The following CAB39 variants were observed in gnomAD, a reference collection of about 807,000 sequenced individuals.
The protein encoded by CAB39 is calcium-binding protein 39.
A neutral mutation model predicts 40.0 loss-of-function variants in CAB39; 8 were observed. That is an observed-to-expected ratio of 0.20 (90% CI 0.12 to 0.36). The LOEUF (loss-of-function observed/expected upper bound fraction) is 0.36. CAB39 is among the 10% of genes least tolerant of loss of function. CAB39 has a pLI of 1.00. For synonymous variants in CAB39, 156 were observed against 141.6 expected (o/e 1.10, Z -0.72); for missense variants, 270 against 401.1 (o/e 0.67, Z 2.79).
chr2:230,752,599 C>G (rs985260396), intron 1 of CAB39, among the ~76,000 whole-genome samples: 2 of 152,170 alleles, frequency 1.3e-5, no homozygotes, highest in African/African-American at 4.8e-5. Flanking sequence ...CCATTAGTTT[C>G]CACTTCCCAA....
At chr2:230,757,513 T>G (rs1695213457) in intron 1 of CAB39, among the ~76,000 whole-genome samples, 1 of 152,146 alleles carries the variant, frequency 6.6e-6, no homozygotes. Flanking sequence ...CACAGAAGTA[T>G]TTTATATATG....
At chr2:230,727,410 CTTTTTCTTTTTTTTT>C (rs1441161506) in intron 1 of CAB39, among the ~76,000 whole-genome samples, 7 of 101,646 alleles carry the variant, frequency 6.9e-5, no homozygotes, top group African/African-American at 3.5e-4. Context: ...ATTTTTTTTT[CTTTTTCTTTTTTTTT>C]TTTTTTTGAG....
intron 1 of CAB39, among the ~76,000 whole-genome samples, chr2:230,728,144 A>G (rs989274409): frequency 7.9e-5 from 12 of 152,156 alleles, no homozygotes; most frequent in African/African-American, 2.9e-4. Flanking sequence ...CGGCTGAGAC[A>G]GGAGAATTGC....
intron 4 of CAB39, 34 bp from the exon 5 acceptor site, chr2:230,798,695 T>C: frequency 6.4e-7 from 1 of 1,553,666 alleles, no homozygotes; most frequent in Non-Finnish European, 8.7e-7. Context: ...AGCAATCATG[T>C]TTGGTTTGTT....
intron 1 of CAB39, chr2:230,725,429 C>G (rs1001692597): frequency 2.6e-6 from 4 of 1,565,482 alleles, no homozygotes; most frequent in Admixed American, 3.4e-5. Context: ...TCCGCAACTT[C>G]AGTTCCCGTA....
At chr2:230,729,182 G>A (rs980897653) in intron 1 of CAB39, among the ~76,000 whole-genome samples, 8 of 152,142 alleles carry the variant, frequency 5.3e-5, no homozygotes, top group East Asian at 1.9e-4. Flanking sequence ...ACCCTTGGGC[G>A]GTTTGCACCA....
At chr2:230,799,812 G>A (rs6436974) in intron 5 of CAB39, among the ~76,000 whole-genome samples, 21,784 of 152,022 alleles carry the variant, frequency 0.14, 2,281 homozygotes, top group African/African-American at 0.3. Context: ...CCAACATGGA[G>A]AAACCCCGTC....
chr2:230,811,940 G>A (rs1249802914), intron 6 of CAB39, among the ~76,000 whole-genome samples: 1 of 152,198 alleles, frequency 6.6e-6, no homozygotes, highest in Non-Finnish European at 1.5e-5. Context: ...CAGGATTTTA[G>A]AAGAACATAT....
chr2:230,721,480 C>T (rs868657607), intron 1 of CAB39, among the ~76,000 whole-genome samples: 2 of 152,270 alleles, frequency 1.3e-5, no homozygotes, highest in Middle Eastern at 3.4e-3. Flanking sequence ...AAATACTTAA[C>T]CAAAATACAA....
In CAB39 at chr2:230,730,194, C is replaced by T. The variant is rs182250310; in HGVS notation, c.-44+16964C>T. ...GCACGATCATGGTTCACTTCAGCCT[C>T]GACCTCCTAGGCTCAAGTGATCTTT... is the stretch of plus-strand genomic sequence containing the variant. On this transcript the variant is annotated intron_variant, in intron 1 of 8. Coordinates refer to ENST00000258418, the MANE Select transcript of CAB39 (RefSeq NM_016289.4). Among the ~76,000 whole-genome samples the T allele has an allele frequency of 1.1e-4, 17 of 152,226 alleles. No individual in the cohort carries two copies. The East Asian group carries it at 2.9e-3, about 26-fold the overall frequency.
chr2:230,743,024 TC>T (rs1288523502), intron 1 of CAB39, among the ~76,000 whole-genome samples: 6 of 152,220 alleles, frequency 3.9e-5, no homozygotes, highest in African/African-American at 1.4e-4. Context: ...GCACAGAACA[TC>T]GTGTGGTCTC....
chr2:230,736,121 A>G (rs944183607), intron 1 of CAB39, among the ~76,000 whole-genome samples: 1 of 152,176 alleles, frequency 6.6e-6, no homozygotes, highest in Non-Finnish European at 1.5e-5. Context: ...CACATTGTAC[A>G]TGTTGATGGC....
chr2:230,739,004 T>C (rs141276654), intron 1 of CAB39, among the ~76,000 whole-genome samples: 15 of 152,338 alleles, frequency 9.8e-5, no homozygotes, highest in Non-Finnish European at 1.5e-4. Flanking sequence ...AAAATAATTT[T>C]ATGGAAGGCC....
At chr2:230,747,606 TC>T (rs1197582900) in intron 1 of CAB39, among the ~76,000 whole-genome samples, 3 of 152,252 alleles carry the variant, frequency 2.0e-5, no homozygotes, top group Non-Finnish European at 4.4e-5. Flanking sequence ...TATGCATAAA[TC>T]TAACTTTTAA....
intron 1 of CAB39, among the ~76,000 whole-genome samples, chr2:230,715,223 A>G (rs1694327593): frequency 6.6e-6 from 1 of 152,216 alleles, no homozygotes; most frequent in South Asian, 2.1e-4. Context: ...TAAGCATGTT[A>G]TGTTTTCCTG....
At chr2:230,798,979 C>A in intron 5 of CAB39, 82 bp downstream of exon 5, 1 of 1,018,230 alleles carries the variant, frequency 9.8e-7, no homozygotes, top group Non-Finnish European at 1.4e-6. Flanking sequence ...CCTCCTAAAT[C>A]TACACGTGGC....
rs181543802 is a variant in CAB39 at position 230,729,922 on chromosome 2, A to G, written c.-44+16692A>G. Among the ~76,000 whole-genome samples, 717 of 152,212 alleles carry G rather than the reference A, an allele frequency of 4.7e-3. 5 individuals are homozygous for G. The highest frequency in any genetic ancestry group is 0.016 in the African/African-American group (674 of 41,534). On this transcript the variant is annotated intron_variant, in intron 1 of 8. Transcript: ENST00000258418. ...TGAGATTTTTACAAAGAAAACTATA[A>G]ATTTAAGTGAAAAAAGACTTAAGAA...
rs79125323 is a variant in CAB39, at chr2:230,789,691, G to T, written c.115-1181G>T. Among the ~76,000 whole-genome samples the T allele has an allele frequency of 1.1e-3, 160 of 152,256 alleles. 1 individual carries two copies. The highest frequency in any genetic ancestry group is 3.5e-3 in the African/African-American group (147 of 41,542). On this transcript the variant is annotated intron_variant, in intron 2 of 8. Coordinates refer to ENST00000258418, the MANE Select transcript of CAB39 (RefSeq NM_016289.4). ...TTGAAGACATGAGTGGGCTCTGCAG[G>T]TCTCTGCCATGCTCTTTCTGGGCAG...
chr2:230,816,197 C>T (rs1033351833), intron 7 of CAB39, among the ~76,000 whole-genome samples: 8 of 152,214 alleles, frequency 5.3e-5, no homozygotes, highest in Non-Finnish European at 1.0e-4. Context: ...CACTTGAGCT[C>T]GGGAGGTGGA....
Sources: allele counts gnomAD v4.1 joint callset (sites outside exome capture counted in the v4.1 genomes callset), GRCh38; gene constraint gnomAD v4.1.1; transcripts MANE v1.5; gene names NCBI Gene and HGNC (gene_info 2026-07-23, HGNC 2026-07-21).